The following CAPN2 variants were observed in gnomAD, a reference collection of about 807,000 sequenced individuals.
The protein encoded by CAPN2 is calpain-2 catalytic subunit.
CAPN2 carries 92 observed loss-of-function variants against 102.3 expected under a neutral mutation model. The observed-to-expected ratio is 0.90, with a 90% confidence interval of 0.76 to 1.07. The LOEUF (loss-of-function observed/expected upper bound fraction) is 1.07, where lower values mean the gene tolerates loss of function less well. Ranked by LOEUF, CAPN2 falls within the 50% of genes least tolerant of loss-of-function variation. The probability of loss-of-function intolerance (pLI) is 0.00; values close to 1 mark genes in which losing one functional copy is unlikely to be tolerated. For synonymous variants in CAPN2, 340 were observed against 355.4 expected (o/e 0.96, Z 0.49); for missense variants, 800 against 909.4 (o/e 0.88, Z 1.55).
At chr1:223,741,969 C>A (rs946505187) in intron 2 of CAPN2, among the ~76,000 whole-genome samples, 1 of 152,186 alleles carries the variant, frequency 6.6e-6, no homozygotes, top group Middle Eastern at 3.4e-3. Context: ...TGTGTCTCCG[C>A]TTACCATAGA....
intron 1 of CAPN2, among the ~76,000 whole-genome samples, chr1:223,705,516 T>C (rs1482931296): frequency 6.6e-6 from 1 of 152,170 alleles, no homozygotes; most frequent in Non-Finnish European, 1.5e-5. Context: ...GGATGGTAGA[T>C]GGCATTTGGG....
rs543026998 is a variant in CAPN2, at chr1:223,754,188, G to A, written c.1135+1232G>A. 2.6e-5 allele frequency among the ~76,000 whole-genome samples: 4 copies of A among 152,338 alleles called. No homozygotes were observed. The highest frequency in any genetic ancestry group is 9.6e-5 in the African/African-American group (4 of 41,568). The stretch of plus-strand genomic sequence containing the variant: ...CATAGTGATTCTCTGTGACAGATGA[G>A]GAAGCTGAGCCTCTAAGTCGCATAC... On this transcript the variant is annotated intron_variant, in intron 9 of 20. Transcript: ENST00000295006. This position sits in a 1 kb window ranked among gnomAD's most constrained non-coding sequence, Gnocchi z 4.7.
chr1:223,753,482 C>A (rs4653775), intron 9 of CAPN2, among the ~76,000 whole-genome samples: 1 of 152,164 alleles, frequency 6.6e-6, no homozygotes, highest in Admixed American at 6.5e-5. Context: ...TCTGGTCCAG[C>A]CTTTGTTGAG....
chr1:223,749,241 C>T (rs1000570318), intron 6 of CAPN2, 119 bp downstream of exon 6: 3 of 826,818 alleles, frequency 3.6e-6, no homozygotes, highest in African/African-American at 1.7e-5. Flanking sequence ...TACACTCGGG[C>T]CCCGCACTCC....
At position 223,744,115 on chromosome 1, in the gene CAPN2, T is replaced by C. The variant is rs750357559; in HGVS notation, c.323T>C (p.Leu108Pro). 6.2e-7 allele frequency: 1 copy of C among 1,611,580 alleles called. No homozygotes were observed. Among genetic ancestry groups the C allele is most frequent in the Non-Finnish European group, 8.5e-7 (1 of 1,177,626 alleles). ...GTGTTCACAGGTGACTGCTGGCTGC[T>C]GGCAGCCATTGCCTCCCTCACCTTG... ...CQGALGDCWL[L>P]AAIASLTLNE... The change falls in exon 3 of 21, where the codon CTG (leucine) becomes CCG (proline). Residue 108 changes from leucine (L) to proline (P), a missense_variant. Leu to Pro is a moderately conservative substitution (Grantham distance 98). Transcript: ENST00000295006.
Position 223,722,565 on chromosome 1 carries a change from C to G in CAPN2, c.307+4734C>G, listed in dbSNP as rs546615539. Among the ~76,000 whole-genome samples, 8 of 152,034 alleles carry G rather than the reference C, an allele frequency of 5.3e-5. No individual in the cohort carries two copies. The South Asian group carries it at 1.5e-3, about 28-fold the overall frequency. ...CTTATCCTCCCAAGTGCTGGGATTA[C>G]AGGTGCGAGTCACCACACCTGGCAA... is the stretch of plus-strand genomic sequence containing the variant. On this transcript the variant is annotated intron_variant, in intron 2 of 20. Transcript: ENST00000295006.
chr1:223,771,815 A>G lies in CAPN2; in HGVS notation c.1910A>G (p.Lys637Arg). ...MRKALEEAGFKMPCQLHQVIV... is the reference protein window; with the variant it reads ...MRKALEEAGFRMPCQLHQVIV... ...TTTGTTCATGTAACTTCAGGTTTCA[A>G]GATGCCCTGTCAACTCCACCAAGTC... The change falls in exon 19 of 21, where the codon AAG becomes AGG. Residue 637 changes from lysine (K) to arginine (R), a missense_variant. Coordinates refer to ENST00000295006, the MANE Select transcript of CAPN2 (RefSeq NM_001748.5). 6.2e-7 allele frequency: 1 copy of G among 1,607,884 alleles called. No individual in the cohort carries two copies. The highest frequency in any genetic ancestry group is 8.5e-7 in the Non-Finnish European group (1 of 1,174,254).
At chr1:223,751,373 A>T (rs111260752) in intron 7 of CAPN2, among the ~76,000 whole-genome samples, 9 of 152,180 alleles carry the variant, frequency 5.9e-5, no homozygotes, top group African/African-American at 2.2e-4. Context: ...GTTGATTTCC[A>T]GGGCTTACTG....
chr1:223,717,499 T>G (rs994825210), intron 1 of CAPN2, among the ~76,000 whole-genome samples: 1 of 151,918 alleles, frequency 6.6e-6, no homozygotes. Context: ...CACAGCACAA[T>G]GAAGGAGGCT....
In CAPN2 at chr1:223,766,473, T is replaced by C. The variant is rs140557180; in HGVS notation, c.1755+42T>C. 1.1e-4 allele frequency: 162 copies of C among 1,434,334 alleles called. No homozygotes were observed. The Middle Eastern group carries it at 1.4e-3, about 12-fold the overall frequency. 88.9% of individuals were successfully genotyped at this position (1,434,334 alleles called of 1,614,324 possible). On this transcript the variant is annotated intron_variant, in intron 16 of 20. Coordinates refer to ENST00000295006, the MANE Select transcript of CAPN2 (RefSeq NM_001748.5). ...TCCAGGGAATAGAGACTGGGGGAGT[T>C]TAAAATCTCACTCCAGAAAGATTCA...
intron 2 of CAPN2, among the ~76,000 whole-genome samples, chr1:223,729,425 T>C (rs930839283): frequency 1.3e-5 from 2 of 152,206 alleles, no homozygotes; most frequent in Admixed American, 1.3e-4. Flanking sequence ...AGTCAAATTC[T>C]GTGAAATATT....
At chr1:223,748,902 T>C in intron 5 of CAPN2, 137 bp from the exon 6 acceptor site, 1 of 757,090 alleles carries the variant, frequency 1.3e-6, no homozygotes, top group Non-Finnish European at 2.4e-6. Context: ...AGCGCAGCCC[T>C]GAGCCTCCCA....
At chr1:223,704,803 C>G (rs1659567303) in intron 1 of CAPN2, among the ~76,000 whole-genome samples, 1 of 152,254 alleles carries the variant, frequency 6.6e-6, no homozygotes, top group East Asian at 1.9e-4. Context: ...AAATACAACA[C>G]TGAATTGAGG....
At chr1:223,704,017 G>A (rs893998358) in intron 1 of CAPN2, among the ~76,000 whole-genome samples, 6 of 152,082 alleles carry the variant, frequency 3.9e-5, no homozygotes, top group Non-Finnish European at 7.3e-5. Flanking sequence ...TAGGCCAGCC[G>A]TGGTGGCTCA....
At chr1:223,737,999 C>T (rs2102790453) in intron 2 of CAPN2, among the ~76,000 whole-genome samples, 1 of 152,128 alleles carries the variant, frequency 6.6e-6, no homozygotes, top group East Asian at 1.9e-4. Flanking sequence ...TGCACAAGTT[C>T]TATACTGTTT....
intron 5 of CAPN2, among the ~76,000 whole-genome samples, chr1:223,747,375 A>C (rs1571804019): frequency 6.6e-6 from 1 of 152,160 alleles, no homozygotes; most frequent in East Asian, 1.9e-4. Context: ...TGGCATACAA[A>C]TGTATGAATG....
chr1:223,770,581 G>C (rs1661448411), intron 18 of CAPN2, 56 bp downstream of exon 18: 8 of 1,158,356 alleles, frequency 6.9e-6, no homozygotes, highest in Non-Finnish European at 1.0e-5. Flanking sequence ...TAGAATATGT[G>C]AACACTCATC....
chr1:223,748,767 G>A (rs1660813493), intron 5 of CAPN2, among the ~76,000 whole-genome samples: 1 of 152,196 alleles, frequency 6.6e-6, no homozygotes, highest in Non-Finnish European at 1.5e-5. Flanking sequence ...AGAAATCCGT[G>A]GATGCGCTAT....
Position 223,731,297 on chromosome 1 carries a change from G to A in CAPN2, c.308-12803G>A, listed in dbSNP as rs12037507. Among the ~76,000 whole-genome samples the A allele has an allele frequency of 4.4e-3, 673 of 152,252 alleles. 31 individuals carry two copies. In the East Asian group the frequency reaches 0.11, roughly 24 times the overall value. On this transcript the variant is annotated intron_variant, in intron 2 of 20. Coordinates refer to ENST00000295006, the MANE Select transcript of CAPN2 (RefSeq NM_001748.5). The surrounding 1 kb of genome is among the most constrained non-coding windows in gnomAD (Gnocchi z 4.2). ...CTTAGGAGCCAGTTCAGATTCCTAA[G>A]CTGGCCCGGACATCCAACCCAATCC...
Sources: gnomAD v4.1 joint callset for allele counts (sites outside exome capture counted in the v4.1 genomes callset) on GRCh38, gnomAD v4.1.1 for gene constraint, Gnocchi (gnomAD v3.1) non-coding constraint, MANE v1.5 for transcripts, NCBI Gene and HGNC (gene_info 2026-07-23, HGNC 2026-07-21) for gene names.